ACP5: variants seen among roughly 807,000 people sequenced by gnomAD.
ACP5 encodes tartrate-resistant acid phosphatase type 5.
Under a neutral mutation model 28.7 loss-of-function variants are expected in ACP5, and 24 were observed. The ratio of observed to expected loss-of-function variants is 0.84; its 90% CI spans 0.61 to 1.18. ACP5 has a LOEUF of 1.18. ACP5 is among the 50% of genes most tolerant of loss of function. ACP5 has a pLI of 0.00. For missense variants in ACP5, 354 were observed against 422.2 expected (o/e 0.84, Z 1.42); for synonymous variants, 154 against 181.4 (o/e 0.85, Z 1.21).
Position 11,577,546 on chromosome 19 carries a change from T to A in ACP5, c.-1+47A>T, listed in dbSNP as rs552192640. 1.7e-4 allele frequency: 103 copies of A among 603,450 alleles called. No homozygotes were observed. The highest frequency in any genetic ancestry group is 2.8e-4 in the Non-Finnish European group (95 of 337,390). 37.4% of individuals were successfully genotyped at this position (603,450 alleles called of 1,614,324 possible). On this transcript the variant is annotated intron_variant, in intron 1 of 4. Transcript: ENST00000648477. This position sits in a 1 kb window ranked among gnomAD's most constrained non-coding sequence, Gnocchi z 5.7. Reference sequence around the variant, plus strand: ...AGGGCGAGCTGTACCAAGATGGCCCTGCAGGCCCATTTCACCCTCCTTCCA... The same window carrying A: ...AGGGCGAGCTGTACCAAGATGGCCCAGCAGGCCCATTTCACCCTCCTTCCA...
chr19:11,576,201 A>AC (rs762602282), intron 4 of ACP5, 42 bp downstream of exon 4: 7 of 1,567,924 alleles, frequency 4.5e-6, no homozygotes, highest in South Asian at 1.1e-5. Context: ...TGGGATGGGG[A>AC]CCCCCCTCAC....
In ACP5 at chr19:11,576,311, G is replaced by T; in HGVS notation, c.667C>A (p.Gln223Lys). 2 of 1,611,508 alleles carry T rather than the reference G, an allele frequency of 1.2e-6. No individual in the cohort carries two copies. Among genetic ancestry groups the T allele is most frequent in the South Asian group, 2.2e-5 (2 of 91,046 alleles). Reference sequence around the variant, plus strand: ...TATGTGGCCAGCAGTGGCCGTAGCTGCTTGACCAGGCAGTGGGTAGGCCCG... The same window carrying T: ...TATGTGGCCAGCAGTGGCCGTAGCTTCTTGACCAGGCAGTGGGTAGGCCCG... The part of the protein sequence containing the change: ...EHGPTHCLVK[Q>K]LRPLLATYGV... Residue 223 changes from glutamine (Q) to lysine (K), a missense_variant, in exon 4 of 5, where the codon CAG becomes AAG. Transcript: ENST00000648477.
chr19:11,577,931 G>A (rs990693024), upstream of ACP5: 50 of 190,422 alleles, frequency 2.6e-4, no homozygotes, highest in African/African-American at 1.1e-3. This position sits in a 1 kb window ranked among gnomAD's most constrained non-coding sequence, Gnocchi z 5.7. Flanking sequence ...GTATCTCAGT[G>A]TGAGTGTGTG....
At chr19:11,575,315 C>T in intron 4 of ACP5, 63 bp from the exon 5 acceptor site, 3 of 1,604,766 alleles carry the variant, frequency 1.9e-6, no homozygotes, top group Non-Finnish European at 2.6e-6. Context: ...GCCTAAGGTC[C>T]AGGGCTCGAT....
chr19:11,576,162 AG>A lies in ACP5; in HGVS notation c.735+80del, dbSNP rs1358774155. The A allele has an allele frequency of 6.5e-6, 8 of 1,231,242 alleles. No individual in the cohort carries two copies. The African/African-American group carries it at 7.5e-5, about 11-fold the overall frequency. 76.3% of individuals were successfully genotyped at this position (1,231,242 alleles called of 1,614,324 possible). ...AGGCCACAGGAGACCCTCAAACAGC[AG>A]GAGGACCCCAGCCATGTGGACATCA... is the stretch of plus-strand genomic sequence containing the variant. On this transcript the variant is annotated intron_variant, in intron 4 of 4. Transcript: ENST00000648477.
In ACP5 at chr19:11,576,662, C is replaced by T; in HGVS notation, c.389+54G>A. On this transcript the variant is annotated intron_variant, in intron 3 of 4. Coordinates refer to ENST00000648477, the MANE Select transcript of ACP5 (RefSeq NM_001611.5). ...CCAGGGTCAGCTCAAGCCACAGGGC[C>T]CCTGTGTCCCTGCTATGTGAGGATC... 3.1e-6 allele frequency: 5 copies of T among 1,613,834 alleles called. No homozygotes were observed. The East Asian group carries it at 6.7e-5, about 22-fold the overall frequency.
Position 11,575,189 on chromosome 19 carries a change from A to AG in ACP5, c.798dup (p.Ser267LeufsTer20), listed in dbSNP as rs1281220987. ...GGGACCTTGCGCTGGTGCCGCTTTG[A>AG]GGGGTCCATGAAATTCCCAGCCCCA... On this transcript the variant is annotated frameshift_variant, in exon 5 of 5. Coordinates refer to ENST00000648477, the MANE Select transcript of ACP5 (RefSeq NM_001611.5). LOFTEE classifies it high-confidence loss of function. 2 of 1,613,890 alleles carry AG rather than the reference A, an allele frequency of 1.2e-6. No homozygotes were observed. Among genetic ancestry groups the AG allele is most frequent in the East Asian group, 4.5e-5 (2 of 44,886 alleles).
Position 11,576,799 on chromosome 19 carries a change from C to T in ACP5, c.306G>A (p.Val102=). The T allele has an allele frequency of 6.2e-7, 1 of 1,614,144 alleles. No homozygotes were observed. Among genetic ancestry groups the T allele is most frequent in the Admixed American group, 1.7e-5 (1 of 60,010 alleles). The change falls in exon 3 of 5, where the codon GTG becomes GTA. Residue 102 remains valine, a synonymous_variant. Coordinates refer to ENST00000648477, the MANE Select transcript of ACP5 (RefSeq NM_001611.5). ...GGTTTCCGGCTAGCACGTACCAGGG[C>T]ACTTTGCGAAGGGAGCGGTCAGAGA... is the stretch of plus-strand genomic sequence containing the variant. ...DVFSDRSLRK[V]PWYVLAGNHD... is the part of the protein sequence containing the mutation.
Position 11,577,504 on chromosome 19 carries a change from G to C in ACP5, c.-1+89C>G. The C allele has an allele frequency of 1.4e-6, 1 of 700,196 alleles. No individual in the cohort carries two copies. Among genetic ancestry groups the C allele is most frequent in the Non-Finnish European group, 2.5e-6 (1 of 404,872 alleles). The allele number at this position is 700,196 out of a possible 1,614,324, so 43.4% of individuals were successfully genotyped here. On this transcript the variant is annotated intron_variant, in intron 1 of 4. Transcript: ENST00000648477. This position sits in a 1 kb window ranked among gnomAD's most constrained non-coding sequence, Gnocchi z 5.7. Reference sequence around the variant, plus strand: ...GCTGCACAAGCTGGCTTAGGGAAGGGGGGCGCGGTCTGTGAGAGGGCGAGC... The same window carrying C: ...GCTGCACAAGCTGGCTTAGGGAAGGCGGGCGCGGTCTGTGAGAGGGCGAGC...
rs1181010083 is a variant in ACP5, at chr19:11,576,528, C to T, written c.450G>A (p.Val150=). The stretch of plus-strand genomic sequence containing the variant: ...TCACTGTGTCCAGCATAAAAATGGC[C>T]ACAGACACATTGGTCTGTGGGATCT... ...HFKIPQTNVS[V]AIFMLDTVTL... is the part of the protein sequence containing the mutation. The change falls in exon 4 of 5, where the codon GTG becomes GTA. Residue 150 remains valine (V), a synonymous_variant. Coordinates refer to ENST00000648477, the MANE Select transcript of ACP5 (RefSeq NM_001611.5). The T allele has an allele frequency of 1.2e-6, 2 of 1,613,894 alleles. No individual in the cohort carries two copies. Among genetic ancestry groups the T allele is most frequent in the Non-Finnish European group, 1.7e-6 (2 of 1,179,970 alleles).
Position 11,576,790 on chromosome 19 carries a change from G to T in ACP5, c.315C>A (p.Tyr105Ter). 6.2e-7 allele frequency: 1 copy of T among 1,614,086 alleles called. No individual in the cohort carries two copies. The highest frequency in any genetic ancestry group is 8.5e-7 in the Non-Finnish European group (1 of 1,180,006). ...SDRSLRKVPW[Y>*]VLAGNHDHLG... ...GGTGGTCATGGTTTCCGGCTAGCACGTACCAGGGCACTTTGCGAAGGGAGC... is the reference window on the plus strand; with the variant it reads ...GGTGGTCATGGTTTCCGGCTAGCACTTACCAGGGCACTTTGCGAAGGGAGC... The change falls in exon 3 of 5, where the codon TAC becomes TAA. Residue 105 changes from tyrosine to a stop codon, truncating the protein, a stop_gained. Transcript: ENST00000648477. LOFTEE classifies it high-confidence loss of function.
Position 11,574,953 on chromosome 19 carries a change from AG to A in ACP5, c.*56del, listed in dbSNP as rs1337835371. 6 of 1,609,696 alleles carry A rather than the reference AG, an allele frequency of 3.7e-6. No homozygotes were observed. On this transcript the variant is annotated 3_prime_UTR_variant, in exon 5 of 5. Coordinates refer to ENST00000648477, the MANE Select transcript of ACP5 (RefSeq NM_001611.5). The stretch of plus-strand genomic sequence containing the variant: ...GCCTGCCTGTGAGCAGGGTCCCGGC[AG>A]GGCCCACCCACCCAACAGTGGAGAT...
At position 11,574,741 on chromosome 19, in the gene ACP5, T is replaced by G; in HGVS notation, c.*269A>C. The stretch of plus-strand genomic sequence containing the variant: ...TAGGAGGAAGCTTTCCCTCCCTCCC[T>G]CCCCCATTGCACCCCGGAACTCAGC... On this transcript the variant is annotated 3_prime_UTR_variant, in exon 5 of 5. Coordinates refer to ENST00000648477, the MANE Select transcript of ACP5 (RefSeq NM_001611.5). The G allele has an allele frequency of 3.0e-6, 1 of 334,130 alleles. No homozygotes were observed. Among genetic ancestry groups the G allele is most frequent in the Non-Finnish European group, 5.9e-6 (1 of 169,792 alleles). The allele number at this position is 334,130 out of a possible 1,614,324, so 20.7% of individuals were successfully genotyped here. A position where few individuals can be genotyped will look rare whatever the true frequency, so the allele number is the denominator to read the frequency against.
At position 11,577,632 on chromosome 19, in the gene ACP5, G is replaced by T; in HGVS notation, c.-40C>A. ...AGGCCAGTCACCGGAGGCTCTGAGA[G>T]GCTGGTGGGCTCTAGAGTAGAACTG... On this transcript the variant is annotated 5_prime_UTR_variant, in exon 1 of 5. Coordinates refer to ENST00000648477, the MANE Select transcript of ACP5 (RefSeq NM_001611.5). The surrounding 1 kb of genome is among the most constrained non-coding windows in gnomAD (Gnocchi z 5.7). 1 of 499,872 alleles carries T rather than the reference G, an allele frequency of 2.0e-6. No homozygotes were observed. The highest frequency in any genetic ancestry group is 3.7e-6 in the Non-Finnish European group (1 of 272,602). 31.0% of individuals were successfully genotyped at this position (499,872 alleles called of 1,614,324 possible).
Position 11,577,611 on chromosome 19 carries a change from C to G in ACP5, c.-19G>C, listed in dbSNP as rs747373261. ...CACTCACCCAGGGGGAGACACAGGC[C>G]AGTCACCGGAGGCTCTGAGAGGCTG... On this transcript the variant is annotated 5_prime_UTR_variant, in exon 1 of 5. Transcript: ENST00000648477. This position sits in a 1 kb window ranked among gnomAD's most constrained non-coding sequence, Gnocchi z 5.7. The G allele has an allele frequency of 1.9e-6, 1 of 525,772 alleles. No homozygotes were observed. Among genetic ancestry groups the G allele is most frequent in the Non-Finnish European group, 3.5e-6 (1 of 289,156 alleles). The allele number at this position is 525,772 out of a possible 1,614,324, so 32.6% of individuals were successfully genotyped here.
chr19:11,574,973 T>C lies in ACP5; in HGVS notation c.*37A>G. 1 of 1,613,142 alleles carries C rather than the reference T, an allele frequency of 6.2e-7. No individual in the cohort carries two copies. Among genetic ancestry groups the C allele is most frequent in the Non-Finnish European group, 8.5e-7 (1 of 1,179,636 alleles). On this transcript the variant is annotated 3_prime_UTR_variant, in exon 5 of 5. Coordinates refer to ENST00000648477, the MANE Select transcript of ACP5 (RefSeq NM_001611.5). Reference sequence around the variant, plus strand: ...CCGGCAGGGCCCACCCACCCAACAGTGGAGATCGGGCCTCAGAGCTGGGCA... The same window carrying C: ...CCGGCAGGGCCCACCCACCCAACAGCGGAGATCGGGCCTCAGAGCTGGGCA...
upstream of ACP5, chr19:11,578,461 A>AGCGC (rs1435190392): frequency 6.6e-6 from 1 of 152,232 alleles, no homozygotes; most frequent in Non-Finnish European, 1.5e-5. Flanking sequence ...AGCTGGTGAT[A>AGCGC]GCGCGCGTGA....
chr19:11,576,160 G>T (rs1973137406), intron 4 of ACP5, 83 bp downstream of exon 4: 19 of 1,213,228 alleles, frequency 1.6e-5, no homozygotes, highest in Non-Finnish European at 2.2e-5. Flanking sequence ...CCCTCAAACA[G>T]CAGGAGGACC....
At position 11,575,164 on chromosome 19, in the gene ACP5, G is replaced by T; in HGVS notation, c.824C>A (p.Pro275His). 6.2e-7 allele frequency: 1 copy of T among 1,614,178 alleles called. No individual in the cohort carries two copies. Among genetic ancestry groups the T allele is most frequent in the Non-Finnish European group, 8.5e-7 (1 of 1,180,038 alleles). ...ATAGTGGAAGCGCAGATAGCCGTTGGGGACCTTGCGCTGGTGCCGCTTTGA... is the reference window on the plus strand; with the variant it reads ...ATAGTGGAAGCGCAGATAGCCGTTGTGGACCTTGCGCTGGTGCCGCTTTGA... ...DPSKRHQRKV[P>H]NGYLRFHYGT... is the part of the protein sequence containing the mutation. The change falls in exon 5 of 5, where the codon CCC becomes CAC. Residue 275 changes from proline to histidine, a missense_variant. Transcript: ENST00000648477.
Sources: gnomAD v4.1 joint callset for allele counts on GRCh38, gnomAD v4.1.1 for gene constraint, Gnocchi (gnomAD v3.1) non-coding constraint, MANE v1.5 for transcripts, NCBI Gene and HGNC (gene_info 2026-07-23, HGNC 2026-07-21) for gene names.